THOC2: variants seen among roughly 807,000 people sequenced by gnomAD.
THOC2 encodes THO complex 2.
A neutral mutation model predicts 128.4 loss-of-function variants in THOC2; 10 were observed. The ratio of observed to expected loss-of-function variants is 0.08; its 90% CI spans 0.05 to 0.13. The LOEUF is 0.13. THOC2 is among the 10% of genes least tolerant of loss of function. The pLI, the probability that THOC2 is intolerant of heterozygous loss-of-function variation, is 1.00. For synonymous variants in THOC2, 393 were observed against 396.9 expected, an observed-to-expected ratio of 0.99 and a Z score of 0.12; for missense variants, 535 against 1,155.7, an observed-to-expected ratio of 0.46 and a Z score of 7.79.
intron 30 of THOC2, among the ~76,000 whole-genome samples, chrX:123,621,802 G>A (rs1389629377): frequency 8.9e-6 from 1 of 111,856 alleles, no homozygotes; most frequent in Admixed American, 9.5e-5. Context: ...CAGCACTCTG[G>A]GAGGCTGAGG....
chrX:123,678,465 C>T (rs2049606132), intron 8 of THOC2, among the ~76,000 whole-genome samples: 1 of 109,620 alleles, frequency 9.1e-6, no homozygotes, highest in Non-Finnish European at 1.9e-5. Context: ...CAGGGTTTCT[C>T]CATGTTGGCC....
chrX:123,660,459 A>T (rs2048780495), intron 12 of THOC2, among the ~76,000 whole-genome samples: 1 of 111,982 alleles, frequency 8.9e-6, no homozygotes, highest in South Asian at 3.8e-4. Flanking sequence ...TCAAAGTGTT[A>T]TATCTTCCCA....
rs1322870689 is a variant in THOC2, at chrX:123,636,060, T to C, written c.2018+19A>G. On this transcript the variant is annotated intron_variant, in intron 19 of 38. Transcript: ENST00000245838. ...AAGTACTCTATTGAATTTCATTATGTATAATTTGCTATGAATACCTTTTGC... is the reference window on the plus strand; with the variant it reads ...AAGTACTCTATTGAATTTCATTATGCATAATTTGCTATGAATACCTTTTGC... 8 of 1,152,231 alleles carry C rather than the reference T, an allele frequency of 6.9e-6. No individual in the cohort carries two copies. The highest frequency in any genetic ancestry group is 9.4e-6 in the Non-Finnish European group (8 of 846,643). 95.0% of individuals were successfully genotyped at this position (1,152,231 alleles called of 1,213,427 possible).
At chrX:123,601,642 G>A (rs2046284313) in intron 38 of THOC2, 1 of 109,284 alleles carries the variant, frequency 9.2e-6, no homozygotes, top group Admixed American at 9.9e-5. Flanking sequence ...ATATTTGTGT[G>A]TTTCTTTTTG....
At chrX:123,611,044 T>G in intron 37 of THOC2, 81 bp from the exon 38 acceptor site, 1 of 954,364 alleles carries the variant, frequency 1.0e-6, no homozygotes, top group Non-Finnish European at 1.5e-6. Flanking sequence ...GCACCTCAGG[T>G]TGCAGGCCTA....
intron 12 of THOC2, among the ~76,000 whole-genome samples, chrX:123,665,433 G>C (rs886130040): frequency 9.0e-6 from 1 of 111,199 alleles, no homozygotes; most frequent in African/African-American, 3.3e-5. Flanking sequence ...GCACAATGAC[G>C]AATCACCTAA....
At chrX:123,618,222 T>C (rs911284002) in intron 33 of THOC2, among the ~76,000 whole-genome samples, 4 of 111,770 alleles carry the variant, frequency 3.6e-5, no homozygotes, top group Non-Finnish European at 7.6e-5. Context: ...TATTTCGGCT[T>C]GTTCTTCAAT....
intron 7 of THOC2, among the ~76,000 whole-genome samples, chrX:123,688,721 T>C (rs190665104): frequency 9.0e-6 from 1 of 111,271 alleles, no homozygotes; most frequent in East Asian, 2.8e-4. Flanking sequence ...CTATCTTGTT[T>C]GTGGTGTTTT....
chrX:123,701,782 C>T, intron 4 of THOC2, among the ~76,000 whole-genome samples: 1 of 110,397 alleles, frequency 9.1e-6, no homozygotes, highest in Non-Finnish European at 1.9e-5. Flanking sequence ...CCAACAGATA[C>T]CATGAACATA....
intron 38 of THOC2, among the ~76,000 whole-genome samples, chrX:123,608,918 T>A (rs940617197): frequency 8.9e-6 from 1 of 112,357 alleles, no homozygotes; most frequent in African/African-American, 3.2e-5. Context: ...GCCAAATATC[T>A]AACCCTGACC....
At chrX:123,686,916 A>T (rs1353353695) in intron 7 of THOC2, among the ~76,000 whole-genome samples, 1 of 112,208 alleles carries the variant, frequency 8.9e-6, no homozygotes, top group East Asian at 2.8e-4. Context: ...TCCCAGAATC[A>T]CAGAACGGGT....
intron 12 of THOC2, among the ~76,000 whole-genome samples, chrX:123,661,428 A>ACC (rs777351520): frequency 5.3e-4 from 59 of 110,496 alleles, no homozygotes; most frequent in African/African-American, 1.4e-3. Flanking sequence ...AACAAAACAA[A>ACC]CAAAAAAACC....
intron 1 of THOC2, among the ~76,000 whole-genome samples, chrX:123,714,212 T>C (rs2051313530): frequency 8.9e-6 from 1 of 112,481 alleles, no homozygotes; most frequent in African/African-American, 3.2e-5. Context: ...AAATGTAACA[T>C]CTAACTCCAT....
At chrX:123,666,276 A>G (rs1421289934) in intron 11 of THOC2, among the ~76,000 whole-genome samples, 1 of 112,376 alleles carries the variant, frequency 8.9e-6, no homozygotes, top group African/African-American at 3.2e-5. Context: ...GATTCAAGTC[A>G]ACTGACATTT....
At position 123,703,513 on chromosome X, in the gene THOC2, T is replaced by A. The variant is rs769799027; in HGVS notation, c.223-8A>T. ...CATATCCTCACGAAATTCCTAATTT[T>A]AAAAATATAATTACAATAAATAGCA... is the stretch of plus-strand genomic sequence containing the variant. On this transcript the variant is annotated splice_polypyrimidine_tract_variant and splice_region_variant and intron_variant, in intron 3 of 38. Coordinates refer to ENST00000245838, the MANE Select transcript of THOC2 (RefSeq NM_001081550.2). 1 of 1,108,607 alleles carries A rather than the reference T, an allele frequency of 9.0e-7. No individual in the cohort carries two copies. The highest frequency in any genetic ancestry group is 1.2e-6 in the Non-Finnish European group (1 of 806,267). 91.4% of individuals were successfully genotyped at this position (1,108,607 alleles called of 1,213,427 possible).
At chrX:123,634,756 C>A (rs930800209) in intron 19 of THOC2, among the ~76,000 whole-genome samples, 1 of 110,951 alleles carries the variant, frequency 9.0e-6, no homozygotes. Context: ...CACTTGGAAG[C>A]GAGGCAGGGA....
chrX:123,716,448 G>A (rs902266241), intron 1 of THOC2, among the ~76,000 whole-genome samples: 3 of 110,850 alleles, frequency 2.7e-5, no homozygotes, highest in African/African-American at 6.6e-5. Flanking sequence ...AGTGTGGGCC[G>A]GGCACGGTGG....
rs150555944 is a variant in THOC2, at chrX:123,618,877, A to G, written c.4311+524T>C. ...GGAATGATTCTTTCACATTAACAGT[A>G]TCTCCTGATATTGTGCTGTAACTAC... On this transcript the variant is annotated intron_variant, in intron 33 of 38. Coordinates refer to ENST00000245838, the MANE Select transcript of THOC2 (RefSeq NM_001081550.2). Among the ~76,000 whole-genome samples, 248 of 111,622 alleles carry G rather than the reference A, an allele frequency of 2.2e-3. 1 individual carries two copies. The highest frequency in any genetic ancestry group is 7.7e-3 in the African/African-American group (236 of 30,811).
intron 12 of THOC2, among the ~76,000 whole-genome samples, chrX:123,656,352 AAGAGAGAG>A (rs1161132096): frequency 2.0e-5 from 2 of 100,156 alleles, no homozygotes; most frequent in East Asian, 6.3e-4. Flanking sequence ...AAAAAAAAAA[AAGAGAGAG>A]AGAGAGAGAG....
Sources: allele counts gnomAD v4.1 joint callset (sites outside exome capture counted in the v4.1 genomes callset), GRCh38; gene constraint gnomAD v4.1.1; transcripts MANE v1.5; gene names NCBI Gene and HGNC (gene_info 2026-07-23, HGNC 2026-07-21).